CTNND2: variants seen among roughly 807,000 people sequenced by gnomAD.
The protein encoded by CTNND2 is catenin delta-2.
A neutral mutation model predicts 144.4 loss-of-function variants in CTNND2; 22 were observed. That is an observed-to-expected ratio of 0.15 (90% CI 0.11 to 0.22). The LOEUF (loss-of-function observed/expected upper bound fraction) is 0.22, where lower values mean the gene tolerates loss of function less well. CTNND2 is among the 10% of genes least tolerant of loss of function. The pLI, the probability that CTNND2 is intolerant of heterozygous loss-of-function variation, is 1.00. For missense variants in CTNND2, 1,353 were observed against 1,618.8 expected (o/e 0.84, Z 2.82); for synonymous variants, 751 against 695.6 (o/e 1.08, Z -1.25).
intron 7 of CTNND2, among the ~76,000 whole-genome samples, chr5:11,376,807 C>T (rs1757991016): frequency 1.3e-5 from 2 of 152,180 alleles, no homozygotes; most frequent in South Asian, 4.1e-4. Context: ...TGAACACTGA[C>T]TTTCAATGAA....
At chr5:11,298,099 C>T (rs559553674) in intron 9 of CTNND2, among the ~76,000 whole-genome samples, 122 of 152,282 alleles carry the variant, frequency 8.0e-4, no homozygotes, top group African/African-American at 2.9e-3. Context: ...GACATTAAAA[C>T]TTTACGCCCT....
intron 10 of CTNND2, among the ~76,000 whole-genome samples, chr5:11,235,005 G>A (rs1741470139): frequency 6.6e-6 from 1 of 152,124 alleles, no homozygotes; most frequent in Non-Finnish European, 1.5e-5. Context: ...GACATGCCTG[G>A]GAGCCACTGT....
At chr5:11,330,483 C>CAA (rs10627159) in intron 9 of CTNND2, among the ~76,000 whole-genome samples, 24,853 of 43,302 alleles carry the variant, frequency 0.57, 8,931 homozygotes, top group Middle Eastern at 0.78. Flanking sequence ...GACTCCGTCT[C>CAA]AAAAAAAAAA....
chr5:11,544,332 A>G (rs1775024590), intron 3 of CTNND2, among the ~76,000 whole-genome samples: 1 of 152,234 alleles, frequency 6.6e-6, no homozygotes, highest in African/African-American at 2.4e-5. Context: ...GAAACAGCTT[A>G]ATAGAACACT....
chr5:11,758,109 T>C (rs1789051927), intron 1 of CTNND2, among the ~76,000 whole-genome samples: 1 of 151,978 alleles, frequency 6.6e-6, no homozygotes, highest in Non-Finnish European at 1.5e-5. Context: ...AAGTTGTTTT[T>C]ATAATTTTAG....
At chr5:11,584,404 T>A (rs376538955) in intron 2 of CTNND2, among the ~76,000 whole-genome samples, 8 of 126,426 alleles carry the variant, frequency 6.3e-5, no homozygotes, top group Non-Finnish European at 1.3e-4. Context: ...GTTCTATATA[T>A]ACATATATAT....
intron 10 of CTNND2, among the ~76,000 whole-genome samples, chr5:11,202,092 GATA>G (rs1422589430): frequency 2.0e-5 from 3 of 152,134 alleles, no homozygotes; most frequent in East Asian, 1.9e-4. Context: ...ATTGAAAAGA[GATA>G]ATAAATCCAT....
At chr5:11,869,478 G>A in intron 1 of CTNND2, among the ~76,000 whole-genome samples, 1 of 152,148 alleles carries the variant, frequency 6.6e-6, no homozygotes, top group East Asian at 1.9e-4. Flanking sequence ...TGATACAAAA[G>A]GTCAAATAAT....
chr5:11,895,380 T>C (rs1425944419), intron 1 of CTNND2, among the ~76,000 whole-genome samples: 1 of 152,186 alleles, frequency 6.6e-6, no homozygotes, highest in Non-Finnish European at 1.5e-5. Context: ...TTTAAGTCCA[T>C]GGTCTCTTAA....
At chr5:11,031,620 C>T (rs574778854) in intron 16 of CTNND2, among the ~76,000 whole-genome samples, 1 of 152,118 alleles carries the variant, frequency 6.6e-6, no homozygotes, top group East Asian at 1.9e-4. Flanking sequence ...GAGGGTGTTG[C>T]CAGGGGAGAT....
chr5:11,262,631 G>A (rs375792429), intron 9 of CTNND2, among the ~76,000 whole-genome samples: 6 of 151,160 alleles, frequency 4.0e-5, no homozygotes, highest in East Asian at 3.9e-4. Flanking sequence ...GCGTGGTGGC[G>A]GGCACCTGTA....
chr5:11,805,839 C>T (rs1164769359), intron 1 of CTNND2, among the ~76,000 whole-genome samples: 1 of 152,016 alleles, frequency 6.6e-6, no homozygotes, highest in Non-Finnish European at 1.5e-5. Flanking sequence ...TGACTTCCTT[C>T]CAATTAGTAG....
intron 3 of CTNND2, among the ~76,000 whole-genome samples, chr5:11,470,976 A>T (rs1196687573): frequency 3.2e-5 from 3 of 95,134 alleles, no homozygotes; most frequent in East Asian, 4.5e-4. Context: ...ATATATATAT[A>T]TATATTTTTT....
intron 8 of CTNND2, among the ~76,000 whole-genome samples, chr5:11,360,165 G>A (rs1337482034): frequency 6.6e-6 from 1 of 152,166 alleles, no homozygotes; most frequent in Non-Finnish European, 1.5e-5. Flanking sequence ...GATTACTTAT[G>A]ACAGCTAAGA....
At chr5:11,335,903 T>C (rs1475372171) in intron 9 of CTNND2, among the ~76,000 whole-genome samples, 1 of 152,126 alleles carries the variant, frequency 6.6e-6, no homozygotes, top group African/African-American at 2.4e-5. Flanking sequence ...TAGCCTCTGA[T>C]TGGTTGCTTT....
At chr5:11,526,165 G>T (rs192844866) in intron 3 of CTNND2, among the ~76,000 whole-genome samples, 1 of 152,290 alleles carries the variant, frequency 6.6e-6, no homozygotes, top group Non-Finnish European at 1.5e-5. Flanking sequence ...GCTTCCCAAA[G>T]TGCTGGGATT....
intron 15 of CTNND2, chr5:11,083,731 T>G (rs1401230499): frequency 4.7e-6 from 1 of 210,750 alleles, no homozygotes; most frequent in East Asian, 1.8e-4. Context: ...AATTTCATTT[T>G]GATTTAAGAA....
intron 3 of CTNND2, among the ~76,000 whole-genome samples, chr5:11,476,660 T>G (rs923881054): frequency 6.6e-6 from 1 of 152,206 alleles, no homozygotes; most frequent in Non-Finnish European, 1.5e-5. Context: ...CAGAGAAAAT[T>G]ATTTCTGGAT....
In CTNND2 at chr5:11,433,717, A is replaced by G. The variant is rs1159453324; in HGVS notation, c.288-21648T>C. On this transcript the variant is annotated intron_variant, in intron 3 of 21. Coordinates refer to ENST00000304623, the MANE Select transcript of CTNND2 (RefSeq NM_001332.4). The stretch of plus-strand genomic sequence containing the variant: ...AGTGAGAGCTCACTCACTATCGCAG[A>G]GACAGCACCAAGCCATGAGGGATCT... Among the ~76,000 whole-genome samples the G allele has an allele frequency of 3.9e-5, 6 of 152,330 alleles. No homozygotes were observed. The East Asian group carries it at 9.7e-4, about 25-fold the overall frequency.
Sources: allele counts gnomAD v4.1 joint callset (sites outside exome capture counted in the v4.1 genomes callset), GRCh38; gene constraint gnomAD v4.1.1; transcripts MANE v1.5; gene names NCBI Gene and HGNC (gene_info 2026-07-23, HGNC 2026-07-21).